STAM: variants seen among roughly 807,000 people sequenced by gnomAD.
STAM encodes signal transducing adaptor molecule.
STAM carries 16 observed loss-of-function variants against 63.4 expected under a neutral mutation model. The observed-to-expected ratio is 0.25, with a 90% CI of 0.17 to 0.38. STAM has a LOEUF of 0.38. STAM is among the 10% of genes least tolerant of loss of function. The probability of loss-of-function intolerance (pLI) is 1.00; values close to 1 mark genes in which losing one functional copy is unlikely to be tolerated. For missense variants in STAM, 636 were observed against 657.1 expected, an observed-to-expected ratio of 0.97 and a Z score of 0.35; for synonymous variants, 238 against 223.9, an observed-to-expected ratio of 1.06 and a Z score of -0.56.
At chr10:17,692,854 G>A (rs1835599708) in intron 5 of STAM, among the ~76,000 whole-genome samples, 1 of 151,738 alleles carries the variant, frequency 6.6e-6, no homozygotes, top group African/African-American at 2.4e-5. Context: ...AACTATTTAT[G>A]TTTAAAGTAG....
rs782415155 is a variant in STAM at position 17,684,933 on chromosome 10, G to T, written c.297+6G>T. ...TAAGCAACGTATTAAATAAGGTAAG[G>T]AGCATTATTTCCAGAAATTAATTAA... On this transcript the variant is annotated splice_donor_region_variant and intron_variant, in intron 4 of 13. Coordinates refer to ENST00000377524, the MANE Select transcript of STAM (RefSeq NM_003473.4). 1.3e-5 allele frequency: 20 copies of T among 1,599,808 alleles called. No homozygotes were observed. The highest frequency in any genetic ancestry group is 1.7e-5 in the Non-Finnish European group (20 of 1,169,846).
intron 2 of STAM, among the ~76,000 whole-genome samples, chr10:17,671,477 C>T (rs1314178356): frequency 6.6e-6 from 1 of 152,190 alleles, no homozygotes; most frequent in Non-Finnish European, 1.5e-5. Context: ...GTCAAAGCTT[C>T]AAATCGTTTT....
intron 13 of STAM, among the ~76,000 whole-genome samples, chr10:17,713,664 A>G (rs1554830315): frequency 6.6e-6 from 1 of 152,022 alleles, no homozygotes; most frequent in Admixed American, 6.6e-5. Flanking sequence ...TATCTTCAAA[A>G]TCTATCTAGA....
rs782315202 is a variant in STAM, at chr10:17,715,053, AC to A, written c.*275del. The A allele has an allele frequency of 1.9e-4, 81 of 428,176 alleles. 2 individuals carry two copies. The highest frequency in any genetic ancestry group is 9.2e-4 in the East Asian group (20 of 21,640). The allele number at this position is 428,176 out of a possible 1,614,324, so 26.5% of individuals were successfully genotyped here. On this transcript the variant is annotated 3_prime_UTR_variant, in exon 14 of 14. Transcript: ENST00000377524. ...TGATACAAGGCTATTTGTCTCGTAA[AC>A]CTGGTCTGCAGAAAGTCAAACTTAC...
rs1297627613 is a variant in STAM, at chr10:17,715,655, G to C, written c.*875G>C. ...GTTTACCTTTTCCTAGTTGAAGATA[G>C]TAATTAGGTTTCTAAGCTGTATACT... is the stretch of plus-strand genomic sequence containing the variant. On this transcript the variant is annotated 3_prime_UTR_variant, in exon 14 of 14. Coordinates refer to ENST00000377524, the MANE Select transcript of STAM (RefSeq NM_003473.4). The C allele has an allele frequency of 3.9e-5, 6 of 152,556 alleles. No homozygotes were observed. Among genetic ancestry groups the C allele is most frequent in the South Asian group, 2.1e-4 (1 of 4,832 alleles). 9.5% of individuals were successfully genotyped at this position (152,556 alleles called of 1,614,324 possible). A position where few individuals can be genotyped will look rare whatever the true frequency, so the allele number is the denominator to read the frequency against.
chr10:17,701,749 T>C (rs547708782), intron 9 of STAM, among the ~76,000 whole-genome samples: 2 of 152,296 alleles, frequency 1.3e-5, no homozygotes, highest in Admixed American at 1.3e-4. Flanking sequence ...TTTCAATTCT[T>C]CTCTCCAACT....
intron 8 of STAM, among the ~76,000 whole-genome samples, chr10:17,699,635 T>C (rs1835904249): frequency 6.6e-6 from 1 of 152,208 alleles, no homozygotes; most frequent in Admixed American, 6.5e-5. Context: ...CTGAGACCCC[T>C]GTCAAGGCCA....
chr10:17,659,921 TGAA>T (rs1352307155), intron 1 of STAM, among the ~76,000 whole-genome samples: 2 of 152,218 alleles, frequency 1.3e-5, no homozygotes, highest in East Asian at 1.9e-4. Flanking sequence ...TCTTCACTTT[TGAA>T]GAATAATTTC....
intron 4 of STAM, among the ~76,000 whole-genome samples, chr10:17,685,454 G>A (rs576347837): frequency 6.6e-6 from 1 of 152,144 alleles, no homozygotes; most frequent in Non-Finnish European, 1.5e-5. Flanking sequence ...AACTGTTCCA[G>A]ATAGGGCCAG....
At chr10:17,705,862 G>A in intron 12 of STAM, 121 bp downstream of exon 12, 1 of 780,314 alleles carries the variant, frequency 1.3e-6, no homozygotes, top group Non-Finnish European at 2.0e-6. Context: ...GAGACCAGGA[G>A]TTTAAGACCA....
intron 12 of STAM, 138 bp downstream of exon 12, chr10:17,705,879 G>T: frequency 1.5e-6 from 1 of 657,114 alleles, no homozygotes; most frequent in Non-Finnish European, 2.4e-6. Flanking sequence ...ACCAGCCTGG[G>T]TAACATAGTG....
chr10:17,697,660 T>G lies in STAM; in HGVS notation c.823+791T>G, dbSNP rs117532963. 2.4e-3 allele frequency among the ~76,000 whole-genome samples: 367 copies of G among 152,320 alleles called. 16 individuals are homozygous for G. In the East Asian group the frequency reaches 0.064, roughly 26 times the overall value. On this transcript the variant is annotated intron_variant, in intron 8 of 13. Coordinates refer to ENST00000377524, the MANE Select transcript of STAM (RefSeq NM_003473.4). ...CTATATTTCTACATAATATTGTGCT[T>G]TAATGAATCTTCATAATGATGAGTT... is the stretch of plus-strand genomic sequence containing the variant.
chr10:17,649,923 A>G (rs1267164252), intron 1 of STAM, among the ~76,000 whole-genome samples: 1 of 152,202 alleles, frequency 6.6e-6, no homozygotes, highest in African/African-American at 2.4e-5. Context: ...CAATTTGGTA[A>G]TATTTTAGTG....
At chr10:17,657,127 GCTCA>G (rs1554822239) in intron 1 of STAM, among the ~76,000 whole-genome samples, 2 of 152,192 alleles carry the variant, frequency 1.3e-5, no homozygotes, top group South Asian at 2.1e-4. Context: ...CCCTGCCTGG[GCTCA>G]CTCACTCAGT....
intron 5 of STAM, among the ~76,000 whole-genome samples, chr10:17,688,555 T>C (rs1835395312): frequency 6.6e-6 from 1 of 151,978 alleles, no homozygotes; most frequent in African/African-American, 2.4e-5. Context: ...CTCTGCCTCC[T>C]GGGTTCAGGT....
intron 1 of STAM, among the ~76,000 whole-genome samples, chr10:17,657,043 C>T (rs1039541013): frequency 4.6e-5 from 7 of 152,122 alleles, no homozygotes; most frequent in Non-Finnish European, 1.0e-4. Context: ...TATGCATGCC[C>T]ATCGGAGGCT....
intron 8 of STAM, among the ~76,000 whole-genome samples, chr10:17,697,553 A>G (rs1380133418): frequency 6.6e-6 from 1 of 152,210 alleles, no homozygotes; most frequent in African/African-American, 2.4e-5. Context: ...GGGGCCGTGG[A>G]GAAAAAGTGA....
intron 1 of STAM, among the ~76,000 whole-genome samples, chr10:17,652,397 G>A (rs1833776219): frequency 6.6e-6 from 1 of 152,154 alleles, no homozygotes; most frequent in Admixed American, 6.5e-5. Context: ...TGAATCAGAT[G>A]CTGATTCTAT....
intron 8 of STAM, among the ~76,000 whole-genome samples, chr10:17,699,971 A>G (rs2131670616): frequency 6.6e-6 from 1 of 152,292 alleles, no homozygotes; most frequent in Admixed American, 6.5e-5. Flanking sequence ...TTTTATGGAA[A>G]CTGTAAAATG....
Sources: gnomAD v4.1 joint callset for allele counts (sites outside exome capture counted in the v4.1 genomes callset) on GRCh38, gnomAD v4.1.1 for gene constraint, MANE v1.5 for transcripts, NCBI Gene and HGNC (gene_info 2026-07-23, HGNC 2026-07-21) for gene names.